Variants in GALNTL6 observed in about 807,000 individuals in gnomAD.
GALNTL6 encodes polypeptide N-acetylgalactosaminyltransferase like 6, also known as polypeptide N-acetylgalactosaminyltransferase-like 6.
A neutral mutation model predicts 73.7 loss-of-function variants in GALNTL6; 46 were observed. The ratio of observed to expected loss-of-function variants is 0.62; its 90% CI spans 0.49 to 0.80. The LOEUF is 0.80. GALNTL6 is among the 30% of genes least tolerant of loss of function. The pLI, the probability that GALNTL6 is intolerant of heterozygous loss-of-function variation, is 0.00. For missense variants in GALNTL6, 604 were observed against 755.0 expected, an observed-to-expected ratio of 0.80 and a Z score of 2.34; for synonymous variants, 259 against 263.7, an observed-to-expected ratio of 0.98 and a Z score of 0.17.
chr4:172,060,905 A>T (rs1731179161), intron 2 of GALNTL6, among the ~76,000 whole-genome samples: 1 of 152,208 alleles, frequency 6.6e-6, no homozygotes, highest in African/African-American at 2.4e-5. Context: ...TTATGTAAAT[A>T]AAAATTACAC....
chr4:172,854,660 C>G (rs1251583900), intron 7 of GALNTL6, among the ~76,000 whole-genome samples: 2 of 152,052 alleles, frequency 1.3e-5, no homozygotes. Context: ...TAAAAAAAAC[C>G]CTCTCCATTC....
intron 2 of GALNTL6, among the ~76,000 whole-genome samples, chr4:172,089,155 G>A (rs1732128095): frequency 6.6e-6 from 1 of 152,150 alleles, no homozygotes; most frequent in Non-Finnish European, 1.5e-5. Flanking sequence ...AGATGGTAGT[G>A]CAGATGGGTT....
At chr4:172,610,539 C>T (rs1380931345) in intron 5 of GALNTL6, among the ~76,000 whole-genome samples, 1 of 151,902 alleles carries the variant, frequency 6.6e-6, no homozygotes, top group Non-Finnish European at 1.5e-5. Context: ...TTTTATTGTT[C>T]TGTGGCTTGA....
At chr4:172,011,383 G>A (rs554756474) in intron 2 of GALNTL6, among the ~76,000 whole-genome samples, 1 of 152,204 alleles carries the variant, frequency 6.6e-6, no homozygotes, top group African/African-American at 2.4e-5. Context: ...AAGTGGGTTT[G>A]TAAGAGAGTG....
intron 2 of GALNTL6, among the ~76,000 whole-genome samples, chr4:172,174,431 G>A (rs1458798165): frequency 3.3e-5 from 5 of 151,920 alleles, no homozygotes; most frequent in African/African-American, 7.3e-5. Context: ...AATCCTTGAT[G>A]TGCACTGCAT....
chr4:171,889,014 C>T (rs1405746207), intron 2 of GALNTL6, among the ~76,000 whole-genome samples: 1 of 151,968 alleles, frequency 6.6e-6, no homozygotes, highest in Admixed American at 6.6e-5. Flanking sequence ...AGCCTTGCTA[C>T]TTCATATGAT....
At position 172,195,263 on chromosome 4, in the gene GALNTL6, A is replaced by G. The variant is rs111288778; in HGVS notation, c.139-34393A>G. ...ACTATACTAAATATACATGCACCCAATACAGGAGCACCCAGATTCATAAAA... is the reference window on the plus strand; with the variant it reads ...ACTATACTAAATATACATGCACCCAGTACAGGAGCACCCAGATTCATAAAA... On this transcript the variant is annotated intron_variant, in intron 2 of 12. Coordinates refer to ENST00000506823, the MANE Select transcript of GALNTL6 (RefSeq NM_001034845.3). 3.9e-3 allele frequency among the ~76,000 whole-genome samples: 587 copies of G among 152,328 alleles called. 3 individuals carry two copies. The highest frequency in any genetic ancestry group is 0.013 in the African/African-American group (538 of 41,574).
chr4:171,962,382 G>A (rs972100148), intron 2 of GALNTL6, among the ~76,000 whole-genome samples: 3 of 152,130 alleles, frequency 2.0e-5, no homozygotes, highest in African/African-American at 4.8e-5. Context: ...ACAAAGACAT[G>A]GCTGATAAAA....
In GALNTL6 at chr4:172,902,427, G is replaced by A. The variant is rs1445594273; in HGVS notation, c.1041+19520G>A. On this transcript the variant is annotated intron_variant, in intron 8 of 12. Coordinates refer to ENST00000506823, the MANE Select transcript of GALNTL6 (RefSeq NM_001034845.3). Reference sequence around the variant, plus strand: ...CTCTGCTCTGCAGAATCTTCTGGTAGGAGATACAAAGTCTCAATCCAGGTT... The same window carrying A: ...CTCTGCTCTGCAGAATCTTCTGGTAAGAGATACAAAGTCTCAATCCAGGTT... Among the ~76,000 whole-genome samples the A allele has an allele frequency of 7.2e-5, 11 of 152,302 alleles. 1 individual carries two copies. In the East Asian group the frequency reaches 1.5e-3, roughly 21 times the overall value.
intron 7 of GALNTL6, among the ~76,000 whole-genome samples, chr4:172,877,747 T>G (rs950731033): frequency 2.0e-5 from 3 of 151,892 alleles, no homozygotes; most frequent in Non-Finnish European, 4.4e-5. Flanking sequence ...AAATCTTCAG[T>G]AAGAACCTGT....
intron 10 of GALNTL6, among the ~76,000 whole-genome samples, chr4:172,996,302 A>G (rs1323404096): frequency 6.6e-6 from 1 of 152,110 alleles, no homozygotes; most frequent in Non-Finnish European, 1.5e-5. Flanking sequence ...AAAATCAAAT[A>G]TTACATGTTC....
At position 172,292,274 on chromosome 4, in the gene GALNTL6, TA is replaced by T. The variant is rs527407211; in HGVS notation, c.248-19330del. Among the ~76,000 whole-genome samples, 606 of 147,348 alleles carry T rather than the reference TA, an allele frequency of 4.1e-3. 5 individuals carry two copies. Among genetic ancestry groups the T allele is most frequent in the African/African-American group, 0.014 (564 of 40,382 alleles). ...ACCAATATAATGATAAATTATAGCATAAAAAAAAAACTTCCTGACATCTGCA... is the reference window on the plus strand; with the variant it reads ...ACCAATATAATGATAAATTATAGCATAAAAAAAAACTTCCTGACATCTGCA... On this transcript the variant is annotated intron_variant, in intron 3 of 12. Transcript: ENST00000506823.
intron 3 of GALNTL6, among the ~76,000 whole-genome samples, chr4:172,253,912 C>T (rs1338522865): frequency 6.6e-6 from 1 of 151,658 alleles, no homozygotes; most frequent in African/African-American, 2.4e-5. Context: ...TGGTGAAGAG[C>T]CCTTTAATTA....
chr4:172,446,287 G>C (rs1732017960), intron 5 of GALNTL6, among the ~76,000 whole-genome samples: 1 of 152,090 alleles, frequency 6.6e-6, no homozygotes, highest in Non-Finnish European at 1.5e-5. Flanking sequence ...TTTGAGTCCA[G>C]ATCTGTGTCT....
intron 5 of GALNTL6, among the ~76,000 whole-genome samples, chr4:172,632,236 A>G (rs1422932292): frequency 6.6e-6 from 1 of 152,250 alleles, no homozygotes. Flanking sequence ...GACAGCCAAA[A>G]TTGTGGAAGC....
intron 2 of GALNTL6, among the ~76,000 whole-genome samples, chr4:171,903,505 T>A (rs1003245344): frequency 2.0e-5 from 3 of 151,150 alleles, no homozygotes; most frequent in Admixed American, 2.0e-4. Flanking sequence ...GCCCACGGAG[T>A]CTCGCTGATT....
At chr4:172,699,050 G>T (rs779345633) in intron 5 of GALNTL6, among the ~76,000 whole-genome samples, 1 of 152,144 alleles carries the variant, frequency 6.6e-6, no homozygotes, top group Non-Finnish European at 1.5e-5. Context: ...TTTAGAGAAA[G>T]CCTGCTTTCT....
intron 2 of GALNTL6, among the ~76,000 whole-genome samples, chr4:172,201,203 T>C (rs1735940237): frequency 6.6e-6 from 1 of 151,846 alleles, no homozygotes; most frequent in African/African-American, 2.4e-5. Context: ...TGTTTGTTAT[T>C]GTTTGTTTTG....
At chr4:172,689,640 T>G (rs1733144365) in intron 5 of GALNTL6, among the ~76,000 whole-genome samples, 1 of 152,158 alleles carries the variant, frequency 6.6e-6, no homozygotes, top group Admixed American at 6.5e-5. Flanking sequence ...TTCTTAATGC[T>G]TTTTCTGTGG....
Sources: allele counts gnomAD v4.1 joint callset (sites outside exome capture counted in the v4.1 genomes callset), GRCh38; gene constraint gnomAD v4.1.1; transcripts MANE v1.5; gene names NCBI Gene and HGNC (gene_info 2026-07-23, HGNC 2026-07-21).